CHEK2: variants seen among roughly 807,000 people sequenced by gnomAD.
CHEK2 encodes serine/threonine-protein kinase Chk2.
Under a neutral mutation model 69.1 loss-of-function variants are expected in CHEK2, and 71 were observed. The ratio of observed to expected loss-of-function variants is 1.03; its 90% CI spans 0.85 to 1.25. The LOEUF is 1.25. CHEK2 is among the 50% of genes most tolerant of loss of function. CHEK2 has a pLI of 0.00. For synonymous variants in CHEK2, 189 were observed against 226.9 expected (o/e 0.83, Z 1.50); for missense variants, 664 against 649.6 (o/e 1.02, Z -0.24).
chr22:28,712,420 T>C (rs1204090028), intron 5 of CHEK2, among the ~76,000 whole-genome samples: 1 of 152,202 alleles, frequency 6.6e-6, no homozygotes, highest in Non-Finnish European at 1.5e-5. Flanking sequence ...AATCTGCAAA[T>C]GAATAACTTT....
chr22:28,741,522 G>C (rs17880035), intron 1 of CHEK2, among the ~76,000 whole-genome samples: 247 of 152,198 alleles, frequency 1.6e-3, no homozygotes, highest in African/African-American at 5.9e-3. Flanking sequence ...ACTTCGCTCT[G>C]ATATTGAAGA....
In CHEK2 at chr22:28,734,603, C is replaced by G. The variant is rs1060502686; in HGVS notation, c.119G>C (p.Ser40Thr). ...GSSSQSQGISSSSTSTMPNSS... is the reference protein window; with the variant it reads ...GSSSQSQGISTSSTSTMPNSS... ...GTTTGGCATCGTGCTGGTAGAGGAG[C>G]TGGATATGCCCTGGGACTGTGAGGA... The change falls in exon 2 of 15, where the codon AGC (serine) becomes ACC (threonine). Residue 40 changes from serine (S) to threonine (T), a missense_variant. Physicochemically the swap from Ser to Thr is moderately conservative, Grantham distance 58. Transcript: ENST00000404276. The G allele has an allele frequency of 1.2e-6, 2 of 1,613,786 alleles. No homozygotes were observed. The highest frequency in any genetic ancestry group is 3.3e-5 in the Admixed American group (2 of 59,948).
chr22:28,695,304 T>A (rs2052530053), intron 11 of CHEK2, 62 bp from the exon 12 acceptor site: 6 of 899,416 alleles, frequency 6.7e-6, no homozygotes, highest in South Asian at 1.4e-5. Context: ...GGCATTCAGA[T>A]ATAAAGATTT....
At chr22:28,729,540 C>CAAAAAAAAAAAAAAAA (rs58149342) in intron 2 of CHEK2, among the ~76,000 whole-genome samples, 52 of 83,066 alleles carry the variant, frequency 6.3e-4, no homozygotes, top group East Asian at 2.1e-3. Context: ...GACTCCATCT[C>CAAAAAAAAAAAAAAAA]AAAAAAAAAA....
Position 28,699,955 on chromosome 22 carries a change from G to A in CHEK2, c.909-18C>T, listed in dbSNP as rs1009670975. The stretch of plus-strand genomic sequence containing the variant: ...CTTCCATCCTGAAACACAAAGGCAA[G>A]GCAAGGGGTTCATTCCTGGGGGAAA... On this transcript the variant is annotated intron_variant, in intron 8 of 14. Transcript: ENST00000404276. 15 of 1,581,312 alleles carry A rather than the reference G, an allele frequency of 9.5e-6. No homozygotes were observed. The highest frequency in any genetic ancestry group is 1.3e-5 in the Non-Finnish European group (15 of 1,151,482).
chr22:28,733,781 T>A (rs2054285419), intron 2 of CHEK2, among the ~76,000 whole-genome samples: 1 of 151,756 alleles, frequency 6.6e-6, no homozygotes, highest in Non-Finnish European at 1.5e-5. Context: ...TAGCCAGGTG[T>A]GGTGGTGTGT....
At chr22:28,708,986 A>C (rs2053285548) in intron 7 of CHEK2, 1 of 428,306 alleles carries the variant, frequency 2.3e-6, no homozygotes, top group Non-Finnish European at 4.6e-6. Context: ...AAACAAAAAA[A>C]ATGCCAGAAT....
Position 28,712,133 on chromosome 22 carries a change from A to G in CHEK2, c.684-116T>C. The G allele has an allele frequency of 1.0e-5, 8 of 787,816 alleles. No homozygotes were observed. The South Asian group carries it at 1.1e-4, about 11-fold the overall frequency. The allele number at this position is 787,816 out of a possible 1,614,324, so 48.8% of individuals were successfully genotyped here. A position where few individuals can be genotyped will look rare whatever the true frequency, so the allele number is the denominator to read the frequency against. ...AGACATTCCATATAACAGCCTTTCC[A>G]TTGTCCCTGTTTGCAGAGGACACAG... is the stretch of plus-strand genomic sequence containing the variant. On this transcript the variant is annotated intron_variant, in intron 5 of 14. Coordinates refer to ENST00000404276, the MANE Select transcript of CHEK2 (RefSeq NM_007194.4).
chr22:28,738,911 G>A (rs2054486877), intron 1 of CHEK2, among the ~76,000 whole-genome samples: 1 of 152,104 alleles, frequency 6.6e-6, no homozygotes, highest in Non-Finnish European at 1.5e-5. Flanking sequence ...ATCTGACAAG[G>A]GATGAATAAC....
chr22:28,702,616 A>G (rs1266117685), intron 8 of CHEK2, among the ~76,000 whole-genome samples: 2 of 146,696 alleles, frequency 1.4e-5, no homozygotes, highest in Admixed American at 1.4e-4. Flanking sequence ...GCACAATCTC[A>G]GCTCACTGCA....
intron 9 of CHEK2, among the ~76,000 whole-genome samples, chr22:28,698,019 G>A (rs967096047): frequency 3.3e-5 from 5 of 151,820 alleles, no homozygotes; most frequent in South Asian, 4.2e-4. Flanking sequence ...CATTAAAAAG[G>A]GCTTGCGTTG....
Position 28,725,052 on chromosome 22 carries a change from C to G in CHEK2, c.517G>C (p.Glu173Gln), listed in dbSNP as rs876659804. Residue 173 changes from glutamate (E) to glutamine (Q), a missense_variant, in exon 4 of 15, where the codon GAG becomes CAG. Glu to Gln is a conservative substitution (Grantham distance 29, BLOSUM62 2). Coordinates refer to ENST00000404276, the MANE Select transcript of CHEK2 (RefSeq NM_007194.4). ...CGGCGTTTTCCTTTCCCTACAAGCT[C>G]TGTATTTACAAAGGTTCCATTGCCA... ...HSGNGTFVNT[E>Q]LVGKGKRRPL... 1 of 1,614,042 alleles carries G rather than the reference C, an allele frequency of 6.2e-7. No homozygotes were observed. Among genetic ancestry groups the G allele is most frequent in the Non-Finnish European group, 8.5e-7 (1 of 1,179,968 alleles).
chr22:28,697,821 C>T (rs571664168), intron 9 of CHEK2, among the ~76,000 whole-genome samples: 28 of 152,162 alleles, frequency 1.8e-4, no homozygotes, highest in African/African-American at 6.0e-4. Flanking sequence ...AGTGACCTTC[C>T]CACCTCAGCC....
chr22:28,720,405 T>G (rs1601808742), intron 4 of CHEK2, among the ~76,000 whole-genome samples: 1 of 150,870 alleles, frequency 6.6e-6, no homozygotes, highest in South Asian at 2.1e-4. Context: ...AAAAAAAAAG[T>G]AAAACAACTA....
At chr22:28,711,550 C>CT (rs2053390313) in intron 6 of CHEK2, among the ~76,000 whole-genome samples, 1 of 151,950 alleles carries the variant, frequency 6.6e-6, no homozygotes, top group Non-Finnish European at 1.5e-5. Context: ...AAAAGGAAAA[C>CT]TGAAAACAGC....
At chr22:28,690,117 G>A (rs2052303046) in intron 13 of CHEK2, among the ~76,000 whole-genome samples, 1 of 152,154 alleles carries the variant, frequency 6.6e-6, no homozygotes. Flanking sequence ...TCCTCCCACT[G>A]AGCCAAGCAT....
chr22:28,740,771 T>G (rs1424147008), intron 1 of CHEK2, among the ~76,000 whole-genome samples: 5 of 152,168 alleles, frequency 3.3e-5, no homozygotes, highest in Non-Finnish European at 7.3e-5. Flanking sequence ...ATGGACCTGG[T>G]TATGTCTGAC....
At chr22:28,711,811 G>A in intron 6 of CHEK2, 98 bp downstream of exon 6, 1 of 856,524 alleles carries the variant, frequency 1.2e-6, no homozygotes, top group Non-Finnish European at 2.0e-6. Context: ...TCTAAGCAGG[G>A]GGTTATTCCT....
chr22:28,723,152 A>G (rs774390713), intron 4 of CHEK2, among the ~76,000 whole-genome samples: 5 of 152,144 alleles, frequency 3.3e-5, no homozygotes, highest in Non-Finnish European at 7.4e-5. Flanking sequence ...TGTTATTTTC[A>G]TAGTTTCAGA....
Sources: allele counts gnomAD v4.1 joint callset (sites outside exome capture counted in the v4.1 genomes callset), GRCh38; gene constraint gnomAD v4.1.1; transcripts MANE v1.5; gene names NCBI Gene and HGNC (gene_info 2026-07-23, HGNC 2026-07-21).